The following CCNC variants were observed in gnomAD, a reference collection of about 807,000 sequenced individuals.
CCNC encodes cyclin C.
A neutral mutation model predicts 50.0 loss-of-function variants in CCNC; 19 were observed. The observed-to-expected ratio is 0.38, with a 90% CI of 0.27 to 0.56. The LOEUF (loss-of-function observed/expected upper bound fraction) is 0.56. CCNC is among the 20% of genes least tolerant of loss of function. CCNC has a pLI of 0.72. For missense variants in CCNC, 200 were observed against 327.1 expected (o/e 0.61, Z 3.00); for synonymous variants, 93 against 103.7 (o/e 0.90, Z 0.63).
At chr6:99,559,983 G>C (rs1282436224) in intron 4 of CCNC, among the ~76,000 whole-genome samples, 1 of 151,988 alleles carries the variant, frequency 6.6e-6, no homozygotes, top group African/African-American at 2.4e-5. Flanking sequence ...GCCTCCCAAA[G>C]TGCTGGGATT....
At chr6:99,556,875 C>T (rs754529855) in intron 5 of CCNC, among the ~76,000 whole-genome samples, 26 of 152,310 alleles carry the variant, frequency 1.7e-4, no homozygotes, top group Non-Finnish European at 3.1e-4. Context: ...GAGCCAAGAT[C>T]GTGCCACTGC....
chr6:99,567,002 G>A (rs1769154904), intron 1 of CCNC: 1 of 447,986 alleles, frequency 2.2e-6, no homozygotes, highest in African/African-American at 2.0e-5. Flanking sequence ...ACTGCTCAAG[G>A]GATTTGAGCA....
chr6:99,559,509 T>C (rs1214774997), intron 4 of CCNC, among the ~76,000 whole-genome samples: 2 of 152,136 alleles, frequency 1.3e-5, no homozygotes, highest in Non-Finnish European at 2.9e-5. Context: ...AATGTATGTG[T>C]ACTAATATAT....
At chr6:99,559,024 T>C (rs1802663212) in intron 4 of CCNC, among the ~76,000 whole-genome samples, 1 of 152,156 alleles carries the variant, frequency 6.6e-6, no homozygotes, top group South Asian at 2.1e-4. Context: ...AGTTTTTCCA[T>C]TTAAATTAGT....
In CCNC at chr6:99,568,634, G is replaced by T; in HGVS notation, c.-107C>A. On this transcript the variant is annotated 5_prime_UTR_variant, in exon 1 of 12. Transcript: ENST00000520429. ...CCGCGCTCCTCGATCAAATCAGCTC[G>T]GCTCGACTCCGCTCCGCGGCGGCGA... The T allele has an allele frequency of 4.5e-6, 7 of 1,548,562 alleles. No individual in the cohort carries two copies. The highest frequency in any genetic ancestry group is 3.4e-4 in the Middle Eastern group (2 of 5,954).
chr6:99,558,419 T>TAAA, intron 5 of CCNC, 78 bp downstream of exon 5: 5 of 1,238,300 alleles, frequency 4.0e-6, no homozygotes, highest in South Asian at 3.0e-5. Flanking sequence ...TCTCATAAAC[T>TAAA]AAAAAAAAAA....
At chr6:99,545,072 T>C in intron 11 of CCNC, 40 bp downstream of exon 11, 1 of 943,204 alleles carries the variant, frequency 1.1e-6, no homozygotes, top group South Asian at 1.4e-5. Context: ...AAGTATGATA[T>C]ATGATTAAAT....
In CCNC at chr6:99,545,131, G is replaced by A. The variant is rs781390814; in HGVS notation, c.778C>T (p.Pro260Ser). The change falls in exon 11 of 12, where the codon CCA (proline) becomes TCA (serine). Residue 260 changes from proline (P) to serine (S), a missense_variant. Transcript: ENST00000520429. ...AAGTACCTGTTTGGAGGTGGTTTTG[G>A]TTTTGGCATCTTACTAAGAATGGTT... is the stretch of plus-strand genomic sequence containing the variant. Reference protein sequence around the residue: ...MATILSKMPKPKPPPNSEGEQ... With the variant: ...MATILSKMPKSKPPPNSEGEQ... 2 of 1,597,934 alleles carry A rather than the reference G, an allele frequency of 1.3e-6. No homozygotes were observed. The highest frequency in any genetic ancestry group is 1.7e-6 in the Non-Finnish European group (2 of 1,165,560).
At chr6:99,557,925 A>C (rs570728209) in intron 5 of CCNC, 8 of 152,860 alleles carry the variant, frequency 5.2e-5, no homozygotes, top group African/African-American at 1.9e-4. Flanking sequence ...AGAAAGGTCC[A>C]TGTAAGAATA....
At chr6:99,560,567 A>G (rs1391716897) in intron 4 of CCNC, among the ~76,000 whole-genome samples, 1 of 152,258 alleles carries the variant, frequency 6.6e-6, no homozygotes, top group Non-Finnish European at 1.5e-5. Context: ...TTATCCAAAA[A>G]TAGAAACATA....
chr6:99,563,878 A>C (rs1002543987), intron 1 of CCNC, among the ~76,000 whole-genome samples: 2 of 152,306 alleles, frequency 1.3e-5, no homozygotes, highest in African/African-American at 4.8e-5. Context: ...TTAGACACAG[A>C]AAATTAAGTA....
chr6:99,545,822 G>C (rs1344020606), intron 10 of CCNC, among the ~76,000 whole-genome samples: 3 of 152,158 alleles, frequency 2.0e-5, no homozygotes. Context: ...GTTCACAGTA[G>C]TATTCAGTGG....
intron 4 of CCNC, among the ~76,000 whole-genome samples, chr6:99,560,728 T>G (rs1802742079): frequency 6.6e-6 from 1 of 152,230 alleles, no homozygotes; most frequent in African/African-American, 2.4e-5. Context: ...CAAGTTCCTA[T>G]CTATCTTCTC....
intron 10 of CCNC, among the ~76,000 whole-genome samples, chr6:99,545,452 T>C (rs1327491616): frequency 6.6e-6 from 1 of 152,232 alleles, no homozygotes; most frequent in African/African-American, 2.4e-5. Flanking sequence ...TATCTATCTC[T>C]GCAGCTGATT....
chr6:99,568,252 C>A, intron 1 of CCNC: 2 of 568,408 alleles, frequency 3.5e-6, no homozygotes, highest in Non-Finnish European at 6.3e-6. Context: ...AACGTTCCTT[C>A]CCGGGAGACG....
chr6:99,556,777 C>T (rs1802527913), intron 5 of CCNC, among the ~76,000 whole-genome samples: 2 of 152,284 alleles, frequency 1.3e-5, no homozygotes, highest in Non-Finnish European at 2.9e-5. Context: ...AAAAATTAGC[C>T]CGGCGTGGTG....
intron 7 of CCNC, 37 bp from the exon 8 acceptor site, chr6:99,550,346 C>T: frequency 7.1e-7 from 1 of 1,405,408 alleles, no homozygotes; most frequent in South Asian, 1.2e-5. Flanking sequence ...GTATAAAAAA[C>T]AGATTTATTA....
chr6:99,548,544 G>A (rs1802161892), intron 9 of CCNC, among the ~76,000 whole-genome samples: 1 of 151,156 alleles, frequency 6.6e-6, no homozygotes, highest in Non-Finnish European at 1.5e-5. Context: ...CTGGGGTGCA[G>A]TGGCTCACGC....
chr6:99,547,501 A>G (rs1802114801), intron 9 of CCNC, among the ~76,000 whole-genome samples: 1 of 151,498 alleles, frequency 6.6e-6, no homozygotes, highest in African/African-American at 2.4e-5. Flanking sequence ...AAAAAAAATG[A>G]GAGTGGGAGA....
Sources: gnomAD v4.1 joint callset for allele counts (sites outside exome capture counted in the v4.1 genomes callset) on GRCh38, gnomAD v4.1.1 for gene constraint, MANE v1.5 for transcripts, NCBI Gene and HGNC (gene_info 2026-07-23, HGNC 2026-07-21) for gene names.